AGPAT4: variants seen among roughly 807,000 people sequenced by gnomAD.
AGPAT4 encodes 1-acylglycerol-3-phosphate O-acyltransferase 4.
Under a neutral mutation model 48.0 loss-of-function variants are expected in AGPAT4, and 15 were observed. That is an observed-to-expected ratio of 0.31 (90% CI 0.21 to 0.48). The LOEUF (loss-of-function observed/expected upper bound fraction) is 0.48. Ranked by LOEUF, AGPAT4 falls within the 20% of genes least tolerant of loss-of-function variation. AGPAT4 has a pLI of 0.99. For missense variants in AGPAT4, 314 were observed against 482.5 expected (o/e 0.65, Z 3.27); for synonymous variants, 178 against 198.7 (o/e 0.90, Z 0.88).
intron 1 of AGPAT4, among the ~76,000 whole-genome samples, chr6:161,248,466 C>T (rs1337221977): frequency 6.7e-5 from 10 of 150,222 alleles, no homozygotes; most frequent in African/African-American, 1.2e-4. Context: ...CCCAGCTCCT[C>T]GTGAGGCTGA....
intron 2 of AGPAT4, among the ~76,000 whole-genome samples, chr6:161,182,498 T>A (rs1187790982): frequency 6.7e-6 from 1 of 148,706 alleles, no homozygotes; most frequent in East Asian, 2.0e-4. Context: ...TCTCACCCTA[T>A]GCCCTCACCC....
At chr6:161,181,928 A>T (rs1276026669) in intron 2 of AGPAT4, among the ~76,000 whole-genome samples, 1 of 152,178 alleles carries the variant, frequency 6.6e-6, no homozygotes, top group Non-Finnish European at 1.5e-5. Context: ...TTTTATGTGT[A>T]AAGCACAGAT....
rs1400023238 is a variant in AGPAT4 at position 161,141,600 on chromosome 6, C to A, written c.844-1980G>T. Among the ~76,000 whole-genome samples, 21 of 151,384 alleles carry A rather than the reference C, an allele frequency of 1.4e-4. No individual in the cohort carries two copies. The highest frequency in any genetic ancestry group is 4.6e-4 in the African/African-American group (19 of 41,022). Reference sequence around the variant, plus strand: ...GCCTTGTTTTTTTTTAAAAAAAAAACAGCTTTCTTAAGATGTCACTTACAT... The same window carrying A: ...GCCTTGTTTTTTTTTAAAAAAAAAAAAGCTTTCTTAAGATGTCACTTACAT... On this transcript the variant is annotated intron_variant, in intron 7 of 8. Coordinates refer to ENST00000320285, the MANE Select transcript of AGPAT4 (RefSeq NM_020133.3). This position sits in a 1 kb window ranked among gnomAD's most constrained non-coding sequence, Gnocchi z 6.7.
At chr6:161,170,464 TGCGCGCGC>T (rs143568421) in intron 2 of AGPAT4, among the ~76,000 whole-genome samples, 4 of 137,588 alleles carry the variant, frequency 2.9e-5, no homozygotes, top group Admixed American at 7.0e-5. Context: ...CGTGCACACG[TGCGCGCGC>T]GCACACACAC....
rs1459614526 is a variant in AGPAT4 at position 161,218,442 on chromosome 6, C to T, written c.178+13594G>A. Among the ~76,000 whole-genome samples, 3 of 152,316 alleles carry T rather than the reference C, an allele frequency of 2.0e-5. No homozygotes were observed. The South Asian group carries it at 6.2e-4, about 32-fold the overall frequency. On this transcript the variant is annotated intron_variant, in intron 2 of 8. Coordinates refer to ENST00000320285, the MANE Select transcript of AGPAT4 (RefSeq NM_020133.3). This position sits in a 1 kb window ranked among gnomAD's most constrained non-coding sequence, Gnocchi z 4.7. ...ATGGTCTGACTAAGTGGGGAAATCA[C>T]AGCAAGAATACCTTTACTTTACGTT... is the stretch of plus-strand genomic sequence containing the variant.
Position 161,175,077 on chromosome 6 carries a change from G to A in AGPAT4, c.179-8660C>T, listed in dbSNP as rs1265112493. ...GTATTTTATGGAGAATTTTTGCATC[G>A]ATGTTCATCAGGGATATTGGTCTAA... On this transcript the variant is annotated intron_variant, in intron 2 of 8. Coordinates refer to ENST00000320285, the MANE Select transcript of AGPAT4 (RefSeq NM_020133.3). Among the ~76,000 whole-genome samples the A allele has an allele frequency of 2.6e-5, 4 of 152,124 alleles. No individual in the cohort carries two copies. In the East Asian group the frequency reaches 5.8e-4, roughly 22 times the overall value.
In AGPAT4 at chr6:161,189,001, C is replaced by T. The variant is rs79067311; in HGVS notation, c.179-22584G>A. On this transcript the variant is annotated intron_variant, in intron 2 of 8. Coordinates refer to ENST00000320285, the MANE Select transcript of AGPAT4 (RefSeq NM_020133.3). The surrounding 1 kb of genome is among the most constrained non-coding windows in gnomAD (Gnocchi z 5.3). ...GGGCTCAGTCCTCTTGCTTTGCTGGCCTCGTGCACGTGCAGAACACGTGTT... is the reference window on the plus strand; with the variant it reads ...GGGCTCAGTCCTCTTGCTTTGCTGGTCTCGTGCACGTGCAGAACACGTGTT... 0.03 allele frequency among the ~76,000 whole-genome samples: 4,623 copies of T among 152,258 alleles called. 102 individuals are homozygous for T. The highest frequency in any genetic ancestry group is 0.047 in the Non-Finnish European group (3,185 of 68,012).
Position 161,221,739 on chromosome 6 carries a change from T to C in AGPAT4, c.178+10297A>G. On this transcript the variant is annotated intron_variant, in intron 2 of 8. Transcript: ENST00000320285. This position sits in a 1 kb window ranked among gnomAD's most constrained non-coding sequence, Gnocchi z 4.5. ...CTGAGCATGTGAGGGAGGATCTGTGTCACAGCTCTCTCCCAGCGGCTGGGA... is the reference window on the plus strand; with the variant it reads ...CTGAGCATGTGAGGGAGGATCTGTGCCACAGCTCTCTCCCAGCGGCTGGGA... 6.6e-6 allele frequency among the ~76,000 whole-genome samples: 1 copy of C among 152,198 alleles called. No homozygotes were observed. Among genetic ancestry groups the C allele is most frequent in the East Asian group, 1.9e-4 (1 of 5,192 alleles).
rs1780692051 is a variant in AGPAT4, at chr6:161,184,028, T to C, written c.179-17611A>G. Reference sequence around the variant, plus strand: ...TGGAAGTTTAGCGTGATGTATGACTTGATCCACCTGAAATACAGTCTACTA... The same window carrying C: ...TGGAAGTTTAGCGTGATGTATGACTCGATCCACCTGAAATACAGTCTACTA... On this transcript the variant is annotated intron_variant, in intron 2 of 8. Transcript: ENST00000320285. This position sits in a 1 kb window ranked among gnomAD's most constrained non-coding sequence, Gnocchi z 4.8. Among the ~76,000 whole-genome samples the C allele has an allele frequency of 2.0e-5, 3 of 152,048 alleles. No homozygotes were observed. In the South Asian group the frequency reaches 6.2e-4, roughly 32 times the overall value.
chr6:161,190,324 G>GT (rs1362321822), intron 2 of AGPAT4, among the ~76,000 whole-genome samples: 1 of 152,138 alleles, frequency 6.6e-6, no homozygotes, highest in Non-Finnish European at 1.5e-5. Context: ...GAGACTGAAT[G>GT]TAAGAGAGTA....
chr6:161,169,331 T>A lies in AGPAT4; in HGVS notation c.179-2914A>T, dbSNP rs1401191272. Among the ~76,000 whole-genome samples, 1 of 152,158 alleles carries A rather than the reference T, an allele frequency of 6.6e-6. No individual in the cohort carries two copies. Among genetic ancestry groups the A allele is most frequent in the Non-Finnish European group, 1.5e-5 (1 of 68,020 alleles). ...GGAGGCCAGTTAGCGGGTGACTACATCAGCACAGCGAGAGGGGATGGTGCT... is the reference window on the plus strand; with the variant it reads ...GGAGGCCAGTTAGCGGGTGACTACAACAGCACAGCGAGAGGGGATGGTGCT... On this transcript the variant is annotated intron_variant, in intron 2 of 8. Coordinates refer to ENST00000320285, the MANE Select transcript of AGPAT4 (RefSeq NM_020133.3). The surrounding 1 kb of genome is among the most constrained non-coding windows in gnomAD (Gnocchi z 5.0).
intron 4 of AGPAT4, among the ~76,000 whole-genome samples, chr6:161,153,866 C>T (rs1271974458): frequency 1.3e-5 from 2 of 150,176 alleles, no homozygotes; most frequent in Non-Finnish European, 3.0e-5. Context: ...CACATGATCA[C>T]ACACGGCCCC....
In AGPAT4 at chr6:161,196,816, CAA is replaced by C. The variant is rs56741331; in HGVS notation, c.179-30401_179-30400del. Among the ~76,000 whole-genome samples, 34 of 105,026 alleles carry C rather than the reference CAA, an allele frequency of 3.2e-4. No homozygotes were observed. Among genetic ancestry groups the C allele is most frequent in the Admixed American group, 3.0e-4 (3 of 9,924 alleles). 68.9% of individuals were successfully genotyped at this position (105,026 alleles called of 152,430 possible). A position where few individuals can be genotyped will look rare whatever the true frequency, so the allele number is the denominator to read the frequency against. On this transcript the variant is annotated intron_variant, in intron 2 of 8. Coordinates refer to ENST00000320285, the MANE Select transcript of AGPAT4 (RefSeq NM_020133.3). The surrounding 1 kb of genome is among the most constrained non-coding windows in gnomAD (Gnocchi z 4.3). ...AGAGAAAGACTCTATCTCCCCCCGC[CAA>C]AAAAAAAAAAAAAATGCCAAGGAGA...
chr6:161,161,627 A>G lies in AGPAT4; in HGVS notation c.348+4621T>C. The G allele has an allele frequency of 2.6e-6, 1 of 377,388 alleles. No individual in the cohort carries two copies. Among genetic ancestry groups the G allele is most frequent in the Non-Finnish European group, 5.4e-6 (1 of 186,242 alleles). The allele number at this position is 377,388 out of a possible 1,614,324, so 23.4% of individuals were successfully genotyped here. The stretch of plus-strand genomic sequence containing the variant: ...GGCGGTGGGCATATCTGCTGAAAAT[A>G]CCCCTCCATATCTGGAAACTTCTAA... On this transcript the variant is annotated intron_variant, in intron 3 of 8. Transcript: ENST00000320285. This position sits in a 1 kb window ranked among gnomAD's most constrained non-coding sequence, Gnocchi z 4.6.
rs569272931 is a variant in AGPAT4 at position 161,166,479 on chromosome 6, G to C, written c.179-62C>G. ...GCAGCCTTGTCCTGGGAGCCCTGCTGAGAGCAGGGCTCTGCCCTCCCAGCT... is the reference window on the plus strand; with the variant it reads ...GCAGCCTTGTCCTGGGAGCCCTGCTCAGAGCAGGGCTCTGCCCTCCCAGCT... On this transcript the variant is annotated intron_variant, in intron 2 of 8. Transcript: ENST00000320285. The surrounding 1 kb of genome is among the most constrained non-coding windows in gnomAD (Gnocchi z 6.7). The C allele has an allele frequency of 4.1e-4, 619 of 1,506,614 alleles. 7 individuals carry two copies. In the South Asian group the frequency reaches 7.7e-3, roughly 19 times the overall value. 93.3% of individuals were successfully genotyped at this position (1,506,614 alleles called of 1,614,324 possible). A position where few individuals can be genotyped will look rare whatever the true frequency, so the allele number is the denominator to read the frequency against.
At position 161,222,704 on chromosome 6, in the gene AGPAT4, A is replaced by C. The variant is rs1198207035; in HGVS notation, c.178+9332T>G. Among the ~76,000 whole-genome samples the C allele has an allele frequency of 1.3e-5, 2 of 152,138 alleles. No homozygotes were observed. The highest frequency in any genetic ancestry group is 2.4e-5 in the African/African-American group (1 of 41,440). ...AATTATTGAAATTTCTGAGGGATGG[A>C]TACTTGGAGCCCATCTAGTGAGAGG... On this transcript the variant is annotated intron_variant, in intron 2 of 8. Transcript: ENST00000320285. The surrounding 1 kb of genome is among the most constrained non-coding windows in gnomAD (Gnocchi z 5.9).
chr6:161,226,736 G>A lies in AGPAT4; in HGVS notation c.178+5300C>T, dbSNP rs148211088. Among the ~76,000 whole-genome samples the A allele has an allele frequency of 1.4e-4, 21 of 152,336 alleles. No homozygotes were observed. The East Asian group carries it at 4.1e-3, about 29-fold the overall frequency. Reference sequence around the variant, plus strand: ...TGATGTGGCCAGGATTCCCCACAGAGAGGTTACCATAGAGGAGGCTCCTGA... The same window carrying A: ...TGATGTGGCCAGGATTCCCCACAGAAAGGTTACCATAGAGGAGGCTCCTGA... On this transcript the variant is annotated intron_variant, in intron 2 of 8. Transcript: ENST00000320285. The surrounding 1 kb of genome is among the most constrained non-coding windows in gnomAD (Gnocchi z 6.3).
rs1483820243 is a variant in AGPAT4, at chr6:161,261,143, A to G, written c.-90+12795T>C. On this transcript the variant is annotated intron_variant, in intron 1 of 8. Transcript: ENST00000320285. The surrounding 1 kb of genome is among the most constrained non-coding windows in gnomAD (Gnocchi z 5.3). ...GTGTTTATCCTTCCAACCCCTGCTT[A>G]AGCCAGCTCCTTCTCCTCCCTGCCT... 2.0e-5 allele frequency among the ~76,000 whole-genome samples: 3 copies of G among 152,272 alleles called. No homozygotes were observed. The highest frequency in any genetic ancestry group is 2.1e-4 in the South Asian group (1 of 4,822).
chr6:161,232,556 G>A lies in AGPAT4; in HGVS notation c.-89-254C>T, dbSNP rs1562349553. Among the ~76,000 whole-genome samples, 1 of 152,250 alleles carries A rather than the reference G, an allele frequency of 6.6e-6. No homozygotes were observed. The highest frequency in any genetic ancestry group is 1.9e-4 in the East Asian group (1 of 5,170). ...TACTTTGATTTCAGATGAGGAAACT[G>A]AGTCCTGGAAGGTGGAGCCACTCGG... On this transcript the variant is annotated intron_variant, in intron 1 of 8. Coordinates refer to ENST00000320285, the MANE Select transcript of AGPAT4 (RefSeq NM_020133.3). This position sits in a 1 kb window ranked among gnomAD's most constrained non-coding sequence, Gnocchi z 6.8.
Sources: gnomAD v4.1 joint callset for allele counts (sites outside exome capture counted in the v4.1 genomes callset) on GRCh38, gnomAD v4.1.1 for gene constraint, Gnocchi (gnomAD v3.1) non-coding constraint, MANE v1.5 for transcripts, NCBI Gene and HGNC (gene_info 2026-07-23, HGNC 2026-07-21) for gene names.